Variants in SPIRE2 observed in about 807,000 individuals in gnomAD.
SPIRE2 encodes the protein protein spire homolog 2.
SPIRE2 carries 76 observed loss-of-function variants against 80.7 expected under a neutral mutation model. The ratio of observed to expected loss-of-function variants is 0.94; its 90% confidence interval spans 0.78 to 1.14. The LOEUF is 1.14. SPIRE2 is among the 50% of genes most tolerant of loss of function. SPIRE2 has a pLI of 0.00. For synonymous variants in SPIRE2, 535 were observed against 432.6 expected (o/e 1.24, Z -2.94); for missense variants, 1,196 against 1,015.3 (o/e 1.18, Z -2.42).
Position 89,830,537 on chromosome 16 carries a change from C to T in SPIRE2, c.244+1743C>T, listed in dbSNP as rs187483424. ...CTCAAAGGTGGCTAACCCAGCCTTTCTCTGGGACTTAAGTGATAAGTAAAT... is the reference window on the plus strand; with the variant it reads ...CTCAAAGGTGGCTAACCCAGCCTTTTTCTGGGACTTAAGTGATAAGTAAAT... On this transcript the variant is annotated intron_variant, in intron 1 of 14. Coordinates refer to ENST00000378247, the MANE Select transcript of SPIRE2 (RefSeq NM_032451.2). 2.2e-4 allele frequency among the ~76,000 whole-genome samples: 34 copies of T among 151,324 alleles called. 1 individual carries two copies. The East Asian group carries it at 5.2e-3, about 23-fold the overall frequency.
intron 1 of SPIRE2, among the ~76,000 whole-genome samples, chr16:89,833,070 A>C (rs2143774675): frequency 6.7e-6 from 1 of 149,534 alleles, no homozygotes; most frequent in East Asian, 2.0e-4. Context: ...AGCTCACTGC[A>C]ACCTCTGCCT....
At chr16:89,869,053 A>AAAAAAAATATAT in intron 13 of SPIRE2, among the ~76,000 whole-genome samples, 1 of 24,030 alleles carries the variant, frequency 4.2e-5, no homozygotes, top group African/African-American at 1.6e-4. Context: ...AAAAAAAAAA[A>AAAAAAAATATAT]ATATATATAT....
intron 2 of SPIRE2, chr16:89,846,807 A>C (rs1414437952): frequency 2.8e-5 from 3 of 107,746 alleles, no homozygotes; most frequent in Non-Finnish European, 5.2e-5. Flanking sequence ...CATCACGCCC[A>C]GCCTTTTTTT....
chr16:89,860,732 C>T lies in SPIRE2; in HGVS notation c.1512C>T (p.Asn504=), dbSNP rs1225273226. The T allele has an allele frequency of 6.3e-7, 1 of 1,589,934 alleles. No homozygotes were observed. The highest frequency in any genetic ancestry group is 8.6e-7 in the Non-Finnish European group (1 of 1,168,922). ...VSDPSHPLLS[N]RGSSGDRPEA... is the part of the protein sequence containing the mutation. ...ACCCCAGCCACCCCCTACTCAGCAACCGGGGCTCCTCGGGGGACAGACCCG... is the reference window on the plus strand; with the variant it reads ...ACCCCAGCCACCCCCTACTCAGCAATCGGGGCTCCTCGGGGGACAGACCCG... The change falls in exon 10 of 15, where the codon AAC becomes AAT. Residue 504 remains asparagine (N), a synonymous_variant. Coordinates refer to ENST00000378247, the MANE Select transcript of SPIRE2 (RefSeq NM_032451.2).
chr16:89,833,608 C>T (rs924133106), intron 1 of SPIRE2, among the ~76,000 whole-genome samples: 7 of 152,240 alleles, frequency 4.6e-5, no homozygotes, highest in South Asian at 2.1e-4. Context: ...CTTTGTGCCT[C>T]GGTTTCCTTC....
At chr16:89,830,504 G>C (rs2041368948) in intron 1 of SPIRE2, among the ~76,000 whole-genome samples, 1 of 151,308 alleles carries the variant, frequency 6.6e-6, no homozygotes, top group South Asian at 2.1e-4. Flanking sequence ...CATCAGGCCA[G>C]CTGTCTCCTC....
intron 3 of SPIRE2, among the ~76,000 whole-genome samples, chr16:89,850,919 C>T (rs1270858569): frequency 6.6e-6 from 1 of 152,078 alleles, no homozygotes; most frequent in African/African-American, 2.4e-5. Context: ...TCACTGCAAC[C>T]TCCGCCTCCC....
chr16:89,854,265 G>A, intron 3 of SPIRE2, 21 bp from the exon 4 acceptor site: 1 of 1,608,958 alleles, frequency 6.2e-7, no homozygotes, highest in Non-Finnish European at 8.5e-7. Context: ...CCCCTGGACT[G>A]ACGAGCACGT....
At chr16:89,832,550 CT>C (rs1960633233) in intron 1 of SPIRE2, among the ~76,000 whole-genome samples, 1 of 152,050 alleles carries the variant, frequency 6.6e-6, no homozygotes. Flanking sequence ...CAGGTGGCTT[CT>C]GTTAGCAGCT....
intron 1 of SPIRE2, among the ~76,000 whole-genome samples, chr16:89,844,461 CAG>C (rs1021031344): frequency 2.7e-5 from 4 of 150,366 alleles, no homozygotes; most frequent in African/African-American, 4.9e-5. Flanking sequence ...TTTTTTGAGA[CAG>C]AGTCTCACTC....
chr16:89,858,995 G>A (rs1282417362), intron 8 of SPIRE2, among the ~76,000 whole-genome samples, 170 bp from the exon 9 acceptor site: 4 of 152,164 alleles, frequency 2.6e-5, no homozygotes, highest in Admixed American at 1.3e-4. Context: ...TTGGTTACTC[G>A]GGTGCTTGCC....
intron 1 of SPIRE2, among the ~76,000 whole-genome samples, chr16:89,832,594 C>T (rs1307761430): frequency 6.6e-6 from 1 of 152,048 alleles, no homozygotes; most frequent in African/African-American, 2.4e-5. Context: ...AGGGGCATCA[C>T]GGCCAGCATC....
intron 3 of SPIRE2, among the ~76,000 whole-genome samples, chr16:89,851,258 C>T (rs1169856506): frequency 6.6e-6 from 1 of 152,176 alleles, no homozygotes; most frequent in Non-Finnish European, 1.5e-5. Flanking sequence ...TGCAAGAGAG[C>T]GCCCTTCCTC....
intron 7 of SPIRE2, among the ~76,000 whole-genome samples, chr16:89,857,634 T>C (rs1175578457): frequency 2.0e-5 from 3 of 150,284 alleles, no homozygotes; most frequent in Admixed American, 6.6e-5. Flanking sequence ...GCAGTGGCGC[T>C]ATCTCAGCTC....
chr16:89,832,408 G>A (rs2041394669), intron 1 of SPIRE2, among the ~76,000 whole-genome samples: 1 of 152,232 alleles, frequency 6.6e-6, no homozygotes, highest in African/African-American at 2.4e-5. Context: ...GATGGTGTCT[G>A]TAGTTGTGCT....
At chr16:89,845,622 A>G (rs772370147) in intron 2 of SPIRE2, 1 of 702,098 alleles carries the variant, frequency 1.4e-6, no homozygotes, top group South Asian at 1.5e-5. Flanking sequence ...ACTTCCTTCC[A>G]CAGCTGCACA....
At chr16:89,864,498 C>T (rs1367096706) in intron 12 of SPIRE2, among the ~76,000 whole-genome samples, 1 of 152,204 alleles carries the variant, frequency 6.6e-6, no homozygotes, top group Admixed American at 6.5e-5. Flanking sequence ...ATTTATTACT[C>T]GCTCAGCCAC....
At position 89,831,066 on chromosome 16, in the gene SPIRE2, C is replaced by T. The variant is rs35834742; in HGVS notation, c.244+2272C>T. 1.3e-4 allele frequency among the ~76,000 whole-genome samples: 19 copies of T among 150,396 alleles called. No homozygotes were observed. In the East Asian group the frequency reaches 3.3e-3, roughly 26 times the overall value. The stretch of plus-strand genomic sequence containing the variant: ...CTGGGACTACAGGCGCCCGCCACCA[C>T]GCCCGGCTAATTTTTTGTATTTTTA... On this transcript the variant is annotated intron_variant, in intron 1 of 14. Coordinates refer to ENST00000378247, the MANE Select transcript of SPIRE2 (RefSeq NM_032451.2).
chr16:89,841,595 G>A (rs1079558), intron 1 of SPIRE2, among the ~76,000 whole-genome samples: 64,172 of 151,860 alleles, frequency 0.42, 14,631 homozygotes, highest in East Asian at 0.75. Context: ...TATGGTCTTG[G>A]GTAAGTTTCT....
Sources: gnomAD v4.1 joint callset for allele counts (sites outside exome capture counted in the v4.1 genomes callset) on GRCh38, gnomAD v4.1.1 for gene constraint, MANE v1.5 for transcripts, NCBI Gene and HGNC (gene_info 2026-07-23, HGNC 2026-07-21) for gene names.